KIDINS220: variants seen among roughly 807,000 people sequenced by gnomAD.
KIDINS220 encodes the protein kinase D-interacting substrate of 220 kDa.
KIDINS220 carries 63 observed loss-of-function variants against 157.6 expected under a neutral mutation model. The observed-to-expected ratio is 0.40, with a 90% CI of 0.33 to 0.49. The LOEUF is 0.49. Ranked by LOEUF, KIDINS220 falls within the 20% of genes least tolerant of loss-of-function variation. KIDINS220 has a pLI of 0.66. For synonymous variants in KIDINS220, 732 were observed against 783.6 expected (o/e 0.93, Z 1.10); for missense variants, 1,772 against 2,171.2 (o/e 0.82, Z 3.65).
chr2:8,833,917 C>T (rs1227454384), intron 1 of KIDINS220, among the ~76,000 whole-genome samples: 2 of 152,156 alleles, frequency 1.3e-5, no homozygotes, highest in Non-Finnish European at 2.9e-5. Context: ...GGTTAATAGA[C>T]GCACCCTATA....
chr2:8,738,047 C>T (rs1665126413), intron 26 of KIDINS220, among the ~76,000 whole-genome samples: 3 of 152,134 alleles, frequency 2.0e-5, no homozygotes, highest in Non-Finnish European at 1.5e-5. Flanking sequence ...GCTCTGGATA[C>T]AGTTACAATT....
In KIDINS220 at chr2:8,730,027, T is replaced by C. The variant is rs369240704; in HGVS notation, c.*693A>G. On this transcript the variant is annotated 3_prime_UTR_variant, in exon 30 of 30. Coordinates refer to ENST00000256707, the MANE Select transcript of KIDINS220 (RefSeq NM_020738.4). ...GGCCTGGGATTTGGAGAGAAGAGTT[T>C]CCGACATATAAACCCACGGAGGTCA... 16 of 985,334 alleles carry C rather than the reference T, an allele frequency of 1.6e-5. No homozygotes were observed. The African/African-American group carries it at 2.8e-4, about 17-fold the overall frequency. The allele number at this position is 985,334 out of a possible 1,614,324, so 61.0% of individuals were successfully genotyped here.
chr2:8,730,934 T>C lies in KIDINS220; in HGVS notation c.5102A>G (p.Glu1701Gly), dbSNP rs1193379547. The C allele has an allele frequency of 6.2e-7, 1 of 1,614,228 alleles. No individual in the cohort carries two copies. ...PANRANQNFDEMEGIRETSQV... is the reference protein window; with the variant it reads ...PANRANQNFDGMEGIRETSQV... The stretch of plus-strand genomic sequence containing the variant: ...AGAAGTCTCCCTAATTCCCTCCATC[T>C]CATCGAAATTTTGATTGGCTCTGTT... The change falls in exon 30 of 30, where the codon GAG becomes GGG. Residue 1701 changes from glutamate to glycine, a missense_variant. By Grantham distance (98) the Glu-to-Gly change is moderately conservative. Transcript: ENST00000256707.
At chr2:8,772,671 T>G (rs1670393406) in intron 21 of KIDINS220, among the ~76,000 whole-genome samples, 1 of 152,160 alleles carries the variant, frequency 6.6e-6, no homozygotes, top group African/African-American at 2.4e-5. Context: ...AATCTTATCT[T>G]CCAAAATAAT....
Position 8,800,440 on chromosome 2 carries a change from G to A in KIDINS220, c.860C>T (p.Ala287Val). ...TATATCAGCATATTTTTGGAGAAGC[G>A]CTCGAACAATTTCAACATGACCACC... ...VRGGHVEIVR[A>V]LLQKYADIDI... The change falls in exon 9 of 30, where the codon GCG becomes GTG. Residue 287 changes from alanine (A) to valine (V), a missense_variant. By Grantham distance (64) the Ala-to-Val change is moderately conservative. This residue lies in a region of KIDINS220 where 725 missense variants were observed against 1,017.1 expected (regional missense o/e 0.71). Coordinates refer to ENST00000256707, the MANE Select transcript of KIDINS220 (RefSeq NM_020738.4). 2.5e-6 allele frequency: 4 copies of A among 1,613,210 alleles called. No individual in the cohort carries two copies. The highest frequency in any genetic ancestry group is 1.7e-5 in the Admixed American group (1 of 59,824).
intron 26 of KIDINS220, chr2:8,737,280 T>C (rs1222137762): frequency 4.1e-6 from 1 of 245,982 alleles, no homozygotes; most frequent in African/African-American, 2.2e-5. Flanking sequence ...TCTCAAATGT[T>C]TACTGCCTAA....
chr2:8,733,225 T>G (rs1472067867), intron 29 of KIDINS220, among the ~76,000 whole-genome samples: 1 of 152,188 alleles, frequency 6.6e-6, no homozygotes, highest in Non-Finnish European at 1.5e-5. Flanking sequence ...TCAGCTCTCA[T>G]CAATGTCTAC....
intron 14 of KIDINS220, among the ~76,000 whole-genome samples, chr2:8,789,568 G>A (rs185799204): frequency 9.2e-5 from 14 of 152,066 alleles, no homozygotes; most frequent in African/African-American, 3.4e-4. Context: ...GATTACAGGC[G>A]TGAGAGCCAC....
intron 22 of KIDINS220, among the ~76,000 whole-genome samples, chr2:8,767,624 C>T (rs1306712245): frequency 1.3e-5 from 2 of 152,146 alleles, no homozygotes; most frequent in South Asian, 4.1e-4. Context: ...GGAAGGAGAG[C>T]TGATCATCAC....
At chr2:8,786,381 C>T (rs1004687817) in intron 15 of KIDINS220, 24 bp from the exon 16 acceptor site, 6 of 1,583,526 alleles carry the variant, frequency 3.8e-6, no homozygotes, top group Non-Finnish European at 5.2e-6. Flanking sequence ...ACAAATCAAA[C>T]ATTACTTTAT....
chr2:8,805,895 C>T (rs566030602), intron 7 of KIDINS220, among the ~76,000 whole-genome samples: 1 of 152,280 alleles, frequency 6.6e-6, no homozygotes, highest in African/African-American at 2.4e-5. Flanking sequence ...CTATACCAGC[C>T]AGATGTGTGT....
At chr2:8,770,630 C>A in intron 22 of KIDINS220, 40 bp downstream of exon 22, 30 of 1,152,156 alleles carry the variant, frequency 2.6e-5, no homozygotes, top group Non-Finnish European at 2.5e-5. Flanking sequence ...TTTAACTCAA[C>A]CTAAAATAAA....
chr2:8,775,258 A>T (rs546613499), intron 21 of KIDINS220, among the ~76,000 whole-genome samples: 17 of 152,332 alleles, frequency 1.1e-4, no homozygotes, highest in African/African-American at 4.1e-4. Context: ...CTGAAGAGCT[A>T]TAGGGCTGAA....
chr2:8,797,013 A>G (rs1404991585), intron 10 of KIDINS220, 144 bp from the exon 11 acceptor site: 1 of 670,426 alleles, frequency 1.5e-6, no homozygotes, highest in African/African-American at 1.8e-5. Context: ...AGCTAACAAC[A>G]AAAAAATGCT....
rs774300370 is a variant in KIDINS220, at chr2:8,731,841, C to A, written c.4195G>T (p.Gly1399Trp). 6.2e-7 allele frequency: 1 copy of A among 1,614,144 alleles called. No individual in the cohort carries two copies. The highest frequency in any genetic ancestry group is 8.5e-7 in the Non-Finnish European group (1 of 1,180,028). The change falls in exon 30 of 30, where the codon GGG becomes TGG. Residue 1399 changes from glycine (G) to tryptophan (W), a missense_variant. By Grantham distance (184) the Gly-to-Trp change is radical. Coordinates refer to ENST00000256707, the MANE Select transcript of KIDINS220 (RefSeq NM_020738.4). This position sits in a 1 kb window ranked among gnomAD's most constrained non-coding sequence, Gnocchi z 5.2. ...EYIAQMSQLE[G>W]GPGSTTISGR... ...CTAATGGTTGTAGACCCGGGGCCCC[C>A]TTCTAACTGGGACATCTGAGCAATG...
intron 6 of KIDINS220, among the ~76,000 whole-genome samples, chr2:8,807,542 C>A (rs1675633374): frequency 6.6e-6 from 1 of 152,126 alleles, no homozygotes; most frequent in Non-Finnish European, 1.5e-5. Context: ...TTTTCTTTTT[C>A]ATTTCATTTT....
chr2:8,770,852 C>G lies in KIDINS220; in HGVS notation c.2849-20G>C. On this transcript the variant is annotated intron_variant, in intron 21 of 29. Coordinates refer to ENST00000256707, the MANE Select transcript of KIDINS220 (RefSeq NM_020738.4). ...ATCGTCCTTTTAAAAAATACAAAAG[C>G]ATTTAAAAATTAATAGATGTGTGAT... is the stretch of plus-strand genomic sequence containing the variant. 1 of 1,511,372 alleles carries G rather than the reference C, an allele frequency of 6.6e-7. No individual in the cohort carries two copies. Among genetic ancestry groups the G allele is most frequent in the Middle Eastern group, 1.7e-4 (1 of 5,748 alleles). The allele number at this position is 1,511,372 out of a possible 1,614,324, so 93.6% of individuals were successfully genotyped here.
At chr2:8,749,602 T>C (rs1382482980) in intron 24 of KIDINS220, among the ~76,000 whole-genome samples, 2 of 152,188 alleles carry the variant, frequency 1.3e-5, no homozygotes, top group Non-Finnish European at 2.9e-5. Context: ...CATAAGACTC[T>C]AAAAATGGGC....
At chr2:8,786,093 T>TA in intron 16 of KIDINS220, 63 bp from the exon 17 acceptor site, 3 of 1,555,432 alleles carry the variant, frequency 1.9e-6, no homozygotes, top group Non-Finnish European at 2.6e-6. Context: ...CCTAACATTA[T>TA]AGTCACAATA....
Sources: allele counts gnomAD v4.1 joint callset (sites outside exome capture counted in the v4.1 genomes callset), GRCh38; gene constraint gnomAD v4.1.1; regional missense constraint gnomAD v4.1.1; non-coding constraint Gnocchi (gnomAD v3.1); transcripts MANE v1.5; gene names NCBI Gene and HGNC (gene_info 2026-07-23, HGNC 2026-07-21).